The following RPS6KC1 variants were observed in gnomAD, a reference collection of about 807,000 sequenced individuals.
The protein encoded by RPS6KC1 is inactive ribosomal protein S6 kinase delta-1.
Under a neutral mutation model 103.8 loss-of-function variants are expected in RPS6KC1, and 54 were observed. That is an observed-to-expected ratio of 0.52 (90% confidence interval 0.42 to 0.65). The LOEUF (loss-of-function observed/expected upper bound fraction) is 0.65. RPS6KC1 is among the 30% of genes least tolerant of loss of function. The pLI is 0.00. For missense variants in RPS6KC1, 1,151 were observed against 1,253.8 expected, an observed-to-expected ratio of 0.92 and a Z score of 1.24; for synonymous variants, 439 against 438.7, an observed-to-expected ratio of 1.00 and a Z score of -0.01.
the RPS6KC1 span, among the ~76,000 whole-genome samples, chr1:213,493,459 C>T: frequency 0.01 from 1,598 of 152,240 alleles, 31 homozygotes; most frequent in African/African-American, 0.035. Flanking sequence ...AGACAACTAA[C>T]GGCCAACGTT....
At chr1:213,205,019 C>T (rs886344666) in intron 8 of RPS6KC1, among the ~76,000 whole-genome samples, 1 of 151,992 alleles carries the variant, frequency 6.6e-6, no homozygotes, top group African/African-American at 2.4e-5. Flanking sequence ...GATTAGTGGC[C>T]AAAGTATTTT....
chr1:213,183,846 T>G (rs2092403567), intron 8 of RPS6KC1, among the ~76,000 whole-genome samples: 1 of 152,090 alleles, frequency 6.6e-6, no homozygotes. Context: ...AAGCTGGTTC[T>G]TTTCAAAGAT....
chr1:213,719,339 A>T, the RPS6KC1 span, among the ~76,000 whole-genome samples: 1 of 152,128 alleles, frequency 6.6e-6, no homozygotes, highest in African/African-American at 2.4e-5. Context: ...AGGGTCATGT[A>T]CTCTCAAAGT....
the RPS6KC1 span, among the ~76,000 whole-genome samples, chr1:213,795,334 T>C: frequency 1.3e-5 from 2 of 152,208 alleles, no homozygotes; most frequent in African/African-American, 4.8e-5. Flanking sequence ...TGAACAGAGT[T>C]CAGGGTGTGA....
the RPS6KC1 span, among the ~76,000 whole-genome samples, chr1:213,396,713 T>C: frequency 6.6e-6 from 1 of 152,224 alleles, no homozygotes; most frequent in Non-Finnish European, 1.5e-5. Context: ...GGGGTTGCTG[T>C]GTGGACCTCC....
At chr1:213,463,434 C>T in the RPS6KC1 span, among the ~76,000 whole-genome samples, 1 of 152,178 alleles carries the variant, frequency 6.6e-6, no homozygotes, top group Non-Finnish European at 1.5e-5. Flanking sequence ...ATTGTAGACT[C>T]ATGTACAGTT....
chr1:213,389,301 G>A, the RPS6KC1 span, among the ~76,000 whole-genome samples: 11 of 152,178 alleles, frequency 7.2e-5, no homozygotes, highest in Non-Finnish European at 1.5e-4. Context: ...CAGAGTTGGG[G>A]AACATTTTAC....
At chr1:213,498,772 ATTTTTTTT>A in the RPS6KC1 span, among the ~76,000 whole-genome samples, 6 of 112,026 alleles carry the variant, frequency 5.4e-5, no homozygotes, top group East Asian at 5.2e-4. Context: ...GTTTTCTAAG[ATTTTTTTT>A]TTTTTTTTTT....
chr1:213,780,790 G>A, the RPS6KC1 span, among the ~76,000 whole-genome samples: 3 of 152,264 alleles, frequency 2.0e-5, no homozygotes, highest in Non-Finnish European at 4.4e-5. Flanking sequence ...TTGGGAGGCC[G>A]AGGCAGACAG....
At chr1:213,309,381 A>G in the RPS6KC1 span, among the ~76,000 whole-genome samples, 5 of 152,240 alleles carry the variant, frequency 3.3e-5, no homozygotes, top group African/African-American at 1.2e-4. Context: ...GATGTTTTCC[A>G]AGAGAAATAT....
At chr1:213,429,799 A>T in the RPS6KC1 span, among the ~76,000 whole-genome samples, 1 of 152,212 alleles carries the variant, frequency 6.6e-6, no homozygotes, top group Non-Finnish European at 1.5e-5. Context: ...AGATAATTAG[A>T]AATATAGCCA....
At chr1:213,244,383 TAACAA>T (rs2094419428) in intron 12 of RPS6KC1, among the ~76,000 whole-genome samples, 1 of 152,156 alleles carries the variant, frequency 6.6e-6, no homozygotes, top group African/African-American at 2.4e-5. Flanking sequence ...GGGAACCATA[TAACAA>T]AACAAAACCA....
At chr1:213,750,913 C>T in the RPS6KC1 span, among the ~76,000 whole-genome samples, 1 of 152,192 alleles carries the variant, frequency 6.6e-6, no homozygotes, top group African/African-American at 2.4e-5. Context: ...ACAAAACAAC[C>T]TACTGATAAG....
chr1:213,361,620 G>A, the RPS6KC1 span, among the ~76,000 whole-genome samples: 64,738 of 152,118 alleles, frequency 0.43, 16,449 homozygotes, highest in African/African-American at 0.7. Context: ...GAAATCACCC[G>A]TCTTCTGTGT....
At chr1:213,338,382 G>C in the RPS6KC1 span, among the ~76,000 whole-genome samples, 1 of 152,110 alleles carries the variant, frequency 6.6e-6, no homozygotes. Context: ...CTTAGAGTCT[G>C]CACTTCATAG....
At chr1:213,754,480 G>C in the RPS6KC1 span, among the ~76,000 whole-genome samples, 1 of 152,204 alleles carries the variant, frequency 6.6e-6, no homozygotes, top group African/African-American at 2.4e-5. Context: ...TGGGGGCAGA[G>C]TTCTCACAAG....
the RPS6KC1 span, among the ~76,000 whole-genome samples, chr1:213,386,410 G>T: frequency 6.6e-6 from 1 of 152,204 alleles, no homozygotes; most frequent in African/African-American, 2.4e-5. Context: ...AAAGTGGGTT[G>T]TTACCGTACC....
At chr1:213,333,221 G>A in the RPS6KC1 span, among the ~76,000 whole-genome samples, 1 of 152,230 alleles carries the variant, frequency 6.6e-6, no homozygotes, top group Non-Finnish European at 1.5e-5. Context: ...GAAGGAGCCA[G>A]CCAACTGGTC....
At chr1:213,360,289 T>G in the RPS6KC1 span, among the ~76,000 whole-genome samples, 1 of 152,188 alleles carries the variant, frequency 6.6e-6, no homozygotes, top group Non-Finnish European at 1.5e-5. Flanking sequence ...CTTCTCTTCT[T>G]GCTTCATTTC....
Sources: gnomAD v4.1 joint callset for allele counts (sites outside exome capture counted in the v4.1 genomes callset) on GRCh38, gnomAD v4.1.1 for gene constraint, MANE v1.5 for transcripts, NCBI Gene and HGNC (gene_info 2026-07-23, HGNC 2026-07-21) for gene names.